DCC: variants seen among roughly 807,000 people sequenced by gnomAD.
DCC encodes the protein DCC netrin 1 receptor.
Under a neutral mutation model 172.5 loss-of-function variants are expected in DCC, and 58 were observed. The observed-to-expected ratio is 0.34, with a 90% CI of 0.27 to 0.42. The LOEUF is 0.42. DCC is among the 10% of genes least tolerant of loss of function. The pLI is 1.00. For missense variants in DCC, 1,740 were observed against 1,791.0 expected (o/e 0.97, Z 0.51); for synonymous variants, 709 against 644.5 (o/e 1.10, Z -1.52).
At chr18:53,379,396 C>T (rs974754852) in intron 15 of DCC, among the ~76,000 whole-genome samples, 1 of 152,234 alleles carries the variant, frequency 6.6e-6, no homozygotes, top group Non-Finnish European at 1.5e-5. Context: ...ATTTAATTCA[C>T]ACAAAATATT....
At chr18:52,768,359 A>C (rs2037288083) in intron 2 of DCC, among the ~76,000 whole-genome samples, 2 of 152,170 alleles carry the variant, frequency 1.3e-5, no homozygotes, top group Admixed American at 1.3e-4. Flanking sequence ...TGCAGGGAGA[A>C]GGCTTACCTA....
rs1020940064 is a variant in DCC at position 52,342,276 on chromosome 18, TGTGC to T, written c.91+1402_91+1405del. 1.9e-4 allele frequency among the ~76,000 whole-genome samples: 21 copies of T among 109,108 alleles called. No homozygotes were observed. In the East Asian group the frequency reaches 6.8e-3, roughly 35 times the overall value. 71.6% of individuals were successfully genotyped at this position (109,108 alleles called of 152,430 possible). Reference sequence around the variant, plus strand: ...AGAGCAGGCAGGAGGGGTGTGTGTGTGTGCGTGTGTGTGTGTGTGTGTGTGCACG... The same window carrying T: ...AGAGCAGGCAGGAGGGGTGTGTGTGTGTGTGTGTGTGTGTGTGTGTGCACG... On this transcript the variant is annotated intron_variant, in intron 1 of 28. Coordinates refer to ENST00000442544, the MANE Select transcript of DCC (RefSeq NM_005215.4).
At chr18:53,012,474 C>T (rs1471091079) in intron 5 of DCC, among the ~76,000 whole-genome samples, 1 of 151,948 alleles carries the variant, frequency 6.6e-6, no homozygotes, top group Non-Finnish European at 1.5e-5. Flanking sequence ...GCAAACCTAT[C>T]CATTATGATA....
At chr18:53,198,906 G>T (rs1489268405) in intron 9 of DCC, among the ~76,000 whole-genome samples, 1 of 152,088 alleles carries the variant, frequency 6.6e-6, no homozygotes, top group Admixed American at 6.6e-5. Context: ...CAAAATTATT[G>T]TCCAACTGAG....
chr18:53,498,554 T>A (rs1212260793), intron 26 of DCC, among the ~76,000 whole-genome samples: 1 of 96,732 alleles, frequency 1.0e-5, no homozygotes, highest in Non-Finnish European at 2.1e-5. Context: ...CTTAACTGTG[T>A]TCTCTGGAAA....
intron 12 of DCC, among the ~76,000 whole-genome samples, chr18:53,268,034 A>G (rs1175800964): frequency 6.6e-6 from 1 of 152,156 alleles, no homozygotes; most frequent in Non-Finnish European, 1.5e-5. Context: ...CAAACTTATT[A>G]CTTTGGGGGG....
At chr18:52,835,674 G>C (rs1361752329) in intron 2 of DCC, among the ~76,000 whole-genome samples, 17 of 152,052 alleles carry the variant, frequency 1.1e-4, no homozygotes, top group Admixed American at 1.0e-3. Context: ...TTTGTATAGA[G>C]ATATCTATAT....
chr18:53,251,950 G>T (rs1055875827), intron 12 of DCC, among the ~76,000 whole-genome samples: 1 of 151,800 alleles, frequency 6.6e-6, no homozygotes, highest in Non-Finnish European at 1.5e-5. Flanking sequence ...TTCTGCTGAG[G>T]TCTCTTCATT....
chr18:53,234,819 TGAA>T lies in DCC; in HGVS notation c.1911+19227_1911+19229del, dbSNP rs752293881. The stretch of plus-strand genomic sequence containing the variant: ...AATGCCTTTTAATAGCTAGATCTCT[TGAA>T]GAAGTAACAATTTGTTCTGTAATTA... On this transcript the variant is annotated intron_variant, in intron 12 of 28. Coordinates refer to ENST00000442544, the MANE Select transcript of DCC (RefSeq NM_005215.4). 4.1e-4 allele frequency among the ~76,000 whole-genome samples: 63 copies of T among 152,336 alleles called. No homozygotes were observed. The South Asian group carries it at 4.6e-3, about 11-fold the overall frequency.
intron 1 of DCC, among the ~76,000 whole-genome samples, chr18:52,550,785 G>A (rs1239754503): frequency 6.6e-6 from 1 of 152,216 alleles, no homozygotes; most frequent in East Asian, 1.9e-4. Context: ...TGCAAAGTGT[G>A]TAACAGATGC....
chr18:52,771,776 TTC>T (rs780658693), intron 2 of DCC, among the ~76,000 whole-genome samples: 4 of 151,550 alleles, frequency 2.6e-5, no homozygotes, highest in South Asian at 2.1e-4. Context: ...TCCACACACC[TTC>T]TCTCTCTAGT....
intron 2 of DCC, chr18:52,754,395 G>A (rs778472111): frequency 1.3e-5 from 2 of 152,166 alleles, no homozygotes; most frequent in Non-Finnish European, 2.9e-5. Context: ...GATAGCACTG[G>A]GAGGTGGAGC....
intron 1 of DCC, among the ~76,000 whole-genome samples, chr18:52,626,291 A>T (rs2034572494): frequency 6.6e-6 from 1 of 152,126 alleles, no homozygotes; most frequent in African/African-American, 2.4e-5. Context: ...TTCCTCCTTG[A>T]CTTGTGTCTT....
At chr18:52,483,231 T>G (rs1008874757) in intron 1 of DCC, among the ~76,000 whole-genome samples, 3 of 152,144 alleles carry the variant, frequency 2.0e-5, no homozygotes, top group Non-Finnish European at 4.4e-5. Flanking sequence ...CTCAAGATTC[T>G]TAATTACATA....
Position 52,656,125 on chromosome 18 carries a change from G to GTA in DCC, c.92-95920_92-95919dup, listed in dbSNP as rs528577127. 3.0e-3 allele frequency among the ~76,000 whole-genome samples: 442 copies of GTA among 148,024 alleles called. 1 individual carries two copies. The highest frequency in any genetic ancestry group is 4.8e-3 in the Non-Finnish European group (325 of 67,290). Reference sequence around the variant, plus strand: ...ATATACATATATATAACATATATATGTATATATATAGTGTGTATTGATGCT... The same window carrying GTA: ...ATATACATATATATAACATATATATGTATATATATATAGTGTGTATTGATGCT... On this transcript the variant is annotated intron_variant, in intron 1 of 28. Transcript: ENST00000442544.
rs1598858170 is a variant in DCC at position 53,532,339 on chromosome 18, C to T, written c.*1686C>T. ...AGTTTATTTTTTTACAGTTTTATGTCGGGAAGGAAATCTGATGTCAAAGAG... is the reference window on the plus strand; with the variant it reads ...AGTTTATTTTTTTACAGTTTTATGTTGGGAAGGAAATCTGATGTCAAAGAG... On this transcript the variant is annotated 3_prime_UTR_variant, in exon 29 of 29. Transcript: ENST00000442544. 2 of 152,132 alleles carry T rather than the reference C, an allele frequency of 1.3e-5. No individual in the cohort carries two copies. Among genetic ancestry groups the T allele is most frequent in the East Asian group, 1.9e-4 (1 of 5,172 alleles). The allele number at this position is 152,132 out of a possible 1,614,324, so 9.4% of individuals were successfully genotyped here.
At chr18:52,482,441 C>A (rs1205859033) in intron 1 of DCC, among the ~76,000 whole-genome samples, 1 of 152,126 alleles carries the variant, frequency 6.6e-6, no homozygotes, top group Non-Finnish European at 1.5e-5. Context: ...ATGGTGTAAA[C>A]AACGAACATG....
At chr18:53,074,364 A>T (rs549887231) in intron 7 of DCC, among the ~76,000 whole-genome samples, 85 of 152,308 alleles carry the variant, frequency 5.6e-4, no homozygotes, top group African/African-American at 2.0e-3. Flanking sequence ...TTAAAGTTCC[A>T]TCATTGGTCC....
At chr18:52,574,616 G>A (rs781203824) in intron 1 of DCC, among the ~76,000 whole-genome samples, 1 of 152,112 alleles carries the variant, frequency 6.6e-6, no homozygotes. Flanking sequence ...AATTCTACTC[G>A]CTGAGTCATT....
Sources: gnomAD v4.1 joint callset for allele counts (sites outside exome capture counted in the v4.1 genomes callset) on GRCh38, gnomAD v4.1.1 for gene constraint, MANE v1.5 for transcripts, NCBI Gene and HGNC (gene_info 2026-07-23, HGNC 2026-07-21) for gene names.